Variants in KANSL1 observed in about 807,000 individuals in gnomAD.
KANSL1 encodes the protein MLL1/MLL complex subunit KANSL1.
Under a neutral mutation model 103.6 loss-of-function variants are expected in KANSL1, and 22 were observed. That is an observed-to-expected ratio of 0.21 (90% confidence interval 0.15 to 0.30). KANSL1 has a LOEUF of 0.30. Among genes scored for constraint, KANSL1 ranks in the 10% least tolerant of loss-of-function variants. The pLI, the probability that KANSL1 is intolerant of heterozygous loss-of-function variation, is 1.00. For synonymous variants in KANSL1, 600 were observed against 527.6 expected, an observed-to-expected ratio of 1.14 and a Z score of -1.88; for missense variants, 1,337 against 1,399.8, an observed-to-expected ratio of 0.96 and a Z score of 0.72.
intron 2 of KANSL1, among the ~76,000 whole-genome samples, chr17:46,167,521 C>T (rs1474974207): frequency 6.6e-6 from 1 of 152,212 alleles, no homozygotes; most frequent in African/African-American, 2.4e-5. Context: ...GACATCATAT[C>T]AAACACAACG....
intron 7 of KANSL1, among the ~76,000 whole-genome samples, chr17:46,046,556 A>AG (rs2077512934): frequency 7.1e-6 from 1 of 141,108 alleles, no homozygotes; most frequent in Non-Finnish European, 1.6e-5. Context: ...AAAAAAAAAA[A>AG]GCCAGGTGCG....
intron 2 of KANSL1, among the ~76,000 whole-genome samples, chr17:46,139,080 A>G (rs943809829): frequency 6.6e-6 from 1 of 152,248 alleles, no homozygotes; most frequent in African/African-American, 2.4e-5. Flanking sequence ...TTAAAAAGGA[A>G]GGCAGAAAAA....
intron 1 of KANSL1, among the ~76,000 whole-genome samples, chr17:46,174,733 G>A (rs1212026743): frequency 2.0e-5 from 3 of 152,142 alleles, no homozygotes; most frequent in Non-Finnish European, 2.9e-5. Flanking sequence ...AGAGTGCAGC[G>A]GCACAATCAT....
At chr17:46,164,496 A>C (rs1448401217) in intron 2 of KANSL1, among the ~76,000 whole-genome samples, 1 of 152,296 alleles carries the variant, frequency 6.6e-6, no homozygotes, top group Admixed American at 6.5e-5. Flanking sequence ...TCAGCTCTGA[A>C]GTAAATTCTG....
intron 2 of KANSL1, among the ~76,000 whole-genome samples, chr17:46,158,399 G>A (rs62060862): frequency 0.11 from 16,088 of 145,714 alleles, no homozygotes; most frequent in Non-Finnish European, 0.17. Context: ...TCGCTCAGTC[G>A]CCCAGCTGGA....
chr17:46,198,250 G>A (rs117464802), upstream of KANSL1, among the ~76,000 whole-genome samples: 3,351 of 152,042 alleles, frequency 0.022, 46 homozygotes, highest in Non-Finnish European at 0.033. Context: ...CTGTAAAATG[G>A]AGATAGTAAT....
chr17:46,140,894 G>A (rs1445905041), intron 2 of KANSL1, among the ~76,000 whole-genome samples: 1 of 152,194 alleles, frequency 6.6e-6, no homozygotes, highest in Non-Finnish European at 1.5e-5. Flanking sequence ...AGAATGTGGA[G>A]AGAATGGAAC....
chr17:46,155,954 G>A (rs528282911), intron 2 of KANSL1, among the ~76,000 whole-genome samples: 2 of 152,236 alleles, frequency 1.3e-5, no homozygotes, highest in African/African-American at 4.8e-5. Flanking sequence ...CATACTCTAA[G>A]AACAATCCTT....
intron 3 of KANSL1, chr17:46,088,597 T>TA (rs1261324424): frequency 6.6e-6 from 1 of 152,192 alleles, no homozygotes; most frequent in African/African-American, 2.4e-5. Context: ...GAGGAGATTT[T>TA]AAAAAACAAC....
chr17:46,050,851 G>A, intron 6 of KANSL1, 147 bp from the exon 7 acceptor site: 2 of 615,406 alleles, frequency 3.2e-6, no homozygotes, highest in East Asian at 2.8e-5. Context: ...ACTACTAAAA[G>A]GATGTTTGAT....
At position 46,130,082 on chromosome 17, in the gene KANSL1, A is replaced by G. The variant is rs1334175323; in HGVS notation, c.1290-35381T>C. 2.7e-5 allele frequency among the ~76,000 whole-genome samples: 4 copies of G among 150,628 alleles called. No individual in the cohort carries two copies. The Admixed American group carries it at 2.7e-4, about 10-fold the overall frequency. On this transcript the variant is annotated intron_variant, in intron 2 of 14. Transcript: ENST00000432791. The stretch of plus-strand genomic sequence containing the variant: ...GTGCCTGTAGTCCCAGATGCTCAGG[A>G]GGCTGAGACGGGAGAATCACTTGTG...
rs1193014505 is a variant in KANSL1 at position 46,099,061 on chromosome 17, C to T, written c.1290-4360G>A. ...ACAAGCGGCCGGGCGCGGTGGCTCA[C>T]GCTTGTAATCCCAGCACTTTGGGAG... On this transcript the variant is annotated intron_variant, in intron 2 of 14. Transcript: ENST00000432791. 2.7e-5 allele frequency among the ~76,000 whole-genome samples: 3 copies of T among 112,822 alleles called. 1 individual carries two copies. Among genetic ancestry groups the T allele is most frequent in the Non-Finnish European group, 4.8e-5 (2 of 41,762 alleles). 74.0% of individuals were successfully genotyped at this position (112,822 alleles called of 152,430 possible). A position where few individuals can be genotyped will look rare whatever the true frequency, so the allele number is the denominator to read the frequency against.
upstream of KANSL1, chr17:46,196,458 G>A: frequency 2.2e-6 from 1 of 454,732 alleles, no homozygotes; most frequent in South Asian, 1.6e-5. Flanking sequence ...AATGATGGAG[G>A]AAAAAACAGT....
chr17:46,136,162 C>T (rs2044130949), intron 2 of KANSL1, among the ~76,000 whole-genome samples: 1 of 152,086 alleles, frequency 6.6e-6, no homozygotes, highest in Non-Finnish European at 1.5e-5. Context: ...GCTAATCAAA[C>T]AGGGTCATGT....
intron 3 of KANSL1, among the ~76,000 whole-genome samples, chr17:46,088,910 T>C (rs1284818787): frequency 1.3e-5 from 2 of 152,180 alleles, no homozygotes; most frequent in Admixed American, 1.3e-4. Context: ...TTAGTCCCTA[T>C]TCTTTCCCCT....
intron 13 of KANSL1, among the ~76,000 whole-genome samples, chr17:46,032,803 C>G (rs1380868413): frequency 6.6e-6 from 1 of 152,102 alleles, no homozygotes; most frequent in East Asian, 1.9e-4. Context: ...CATGACCCCC[C>G]AACTGTCTTC....
chr17:46,034,691 C>T, intron 10 of KANSL1: 1 of 197,238 alleles, frequency 5.1e-6, no homozygotes, highest in South Asian at 9.3e-5. Flanking sequence ...TGGCCCCTCC[C>T]CTAAAAGCAA....
intron 2 of KANSL1, among the ~76,000 whole-genome samples, chr17:46,145,415 C>G (rs1045252066): frequency 1.3e-4 from 20 of 152,334 alleles, no homozygotes; most frequent in African/African-American, 4.8e-4. Context: ...AATTTAATAG[C>G]TGGAGATAAT....
chr17:46,040,306 C>G (rs1416880811), intron 7 of KANSL1: 1 of 173,358 alleles, frequency 5.8e-6, no homozygotes, highest in African/African-American at 2.4e-5. Flanking sequence ...AGGCACTGTA[C>G]TGAGTACTAC....
Sources: allele counts gnomAD v4.1 joint callset (sites outside exome capture counted in the v4.1 genomes callset), GRCh38; gene constraint gnomAD v4.1.1; transcripts MANE v1.5; gene names NCBI Gene and HGNC (gene_info 2026-07-23, HGNC 2026-07-21).